The following CSF1R variants were observed in gnomAD, a reference collection of about 807,000 sequenced individuals.
CSF1R encodes the protein macrophage colony-stimulating factor 1 receptor.
Under a neutral mutation model 110.0 loss-of-function variants are expected in CSF1R, and 40 were observed. The ratio of observed to expected loss-of-function variants is 0.36; its 90% CI spans 0.28 to 0.47. The LOEUF (loss-of-function observed/expected upper bound fraction) is 0.47. CSF1R is among the 20% of genes least tolerant of loss of function. The pLI is 0.99. For missense variants in CSF1R, 1,052 were observed against 1,253.0 expected, an observed-to-expected ratio of 0.84 and a Z score of 2.42; for synonymous variants, 523 against 503.4, an observed-to-expected ratio of 1.04 and a Z score of -0.52.
chr5:150,109,525 C>G (rs1441914313), intron 1 of CSF1R, among the ~76,000 whole-genome samples: 1 of 152,218 alleles, frequency 6.6e-6, no homozygotes, highest in Non-Finnish European at 1.5e-5. Flanking sequence ...AATGTTTCAG[C>G]TTGGCGCATT....
chr5:150,108,816 T>TG (rs138678533), intron 1 of CSF1R, among the ~76,000 whole-genome samples: 1 of 151,222 alleles, frequency 6.6e-6, no homozygotes, highest in Admixed American at 6.6e-5. Context: ...CCTGAGCAGG[T>TG]GGGGGGTGGG....
rs777239066 is a variant in CSF1R, at chr5:150,080,952, C to G, written c.122G>C (p.Arg41Pro). 6.2e-7 allele frequency: 1 copy of G among 1,614,110 alleles called. No individual in the cohort carries two copies. ...TTCCACGCTGCCATTGCCCACACAT[C>G]GCAAGGTCACCGTTGCTCCTGGCTT... ...VVKPGATVTL[R>P]CVGNGSVEWD... Residue 41 changes from arginine (R) to proline (P), a missense_variant, in exon 2 of 21, where the codon CGA (arginine) becomes CCA (proline). This residue lies in a region of CSF1R where 693 missense variants were observed against 735.4 expected (regional missense o/e 0.94). Coordinates refer to ENST00000675795, the MANE Select transcript of CSF1R (RefSeq NM_001288705.3).
intron 2 of CSF1R, 80 bp downstream of exon 2, chr5:150,080,687 G>A (rs1758496451): frequency 6.4e-7 from 1 of 1,552,638 alleles, no homozygotes; most frequent in Non-Finnish European, 8.8e-7. Flanking sequence ...GAGCTGAATT[G>A]TTACGATTGT....
intron 1 of CSF1R, among the ~76,000 whole-genome samples, chr5:150,083,601 G>T (rs764318679): frequency 5.3e-5 from 8 of 151,724 alleles, no homozygotes; most frequent in Non-Finnish European, 1.0e-4. Flanking sequence ...CTTGGGACTG[G>T]ACCCTGGAAA....
At chr5:150,073,658 C>T (rs1460999268) in intron 5 of CSF1R, among the ~76,000 whole-genome samples, 165 bp from the exon 6 acceptor site, 1 of 152,196 alleles carries the variant, frequency 6.6e-6, no homozygotes, top group African/African-American at 2.4e-5. Flanking sequence ...TCTCACCACC[C>T]CCTTCAGAAT....
chr5:150,074,895 A>G (rs1294268902), intron 5 of CSF1R, among the ~76,000 whole-genome samples: 4 of 152,114 alleles, frequency 2.6e-5, no homozygotes, highest in African/African-American at 9.7e-5. Context: ...ATCCCTGAAC[A>G]CACCATAGTC....
At chr5:150,085,293 A>ACC (rs1561947697) in intron 1 of CSF1R, among the ~76,000 whole-genome samples, 3 of 145,746 alleles carry the variant, frequency 2.1e-5, no homozygotes, top group Non-Finnish European at 4.5e-5. Context: ...AAAAAAAAAA[A>ACC]CCCAAATACT....
intron 1 of CSF1R, among the ~76,000 whole-genome samples, chr5:150,081,374 C>T (rs1758536100): frequency 6.6e-6 from 1 of 152,174 alleles, no homozygotes; most frequent in African/African-American, 2.4e-5. Context: ...TCTTTTAACC[C>T]TGTGTACAAA....
At chr5:150,074,007 A>G (rs1043945711) in intron 5 of CSF1R, among the ~76,000 whole-genome samples, 1 of 152,194 alleles carries the variant, frequency 6.6e-6, no homozygotes, top group Non-Finnish European at 1.5e-5. Flanking sequence ...CCATGAGTCC[A>G]TAACACTCAA....
chr5:150,054,513 C>G (rs1350589038), intron 19 of CSF1R, 83 bp from the exon 20 acceptor site: 3 of 1,142,172 alleles, frequency 2.6e-6, no homozygotes, highest in Non-Finnish European at 3.7e-6. Flanking sequence ...GAGACCTACC[C>G]AGCAGAGGTC....
At position 150,068,207 on chromosome 5, in the gene CSF1R, C is replaced by T. The variant is rs760070403; in HGVS notation, c.1626+8G>A. ...GGCACCTGGCAGCCCCACTCCGCTC[C>T]GGCTCACCTGCTTATACTTGTACAA... On this transcript the variant is annotated splice_region_variant and intron_variant, in intron 10 of 20. Transcript: ENST00000675795. 38 of 1,605,808 alleles carry T rather than the reference C, an allele frequency of 2.4e-5. No homozygotes were observed. The highest frequency in any genetic ancestry group is 9.4e-5 in the African/African-American group (7 of 74,806).
At chr5:150,102,555 C>T (rs1217818520) in intron 1 of CSF1R, among the ~76,000 whole-genome samples, 1 of 152,200 alleles carries the variant, frequency 6.6e-6, no homozygotes, top group Non-Finnish European at 1.5e-5. Context: ...TCTTGGCTCA[C>T]TGCAACCTCT....
At chr5:150,087,861 G>A (rs1177059872), upstream of CSF1R, among the ~76,000 whole-genome samples, 1 of 151,842 alleles carries the variant, frequency 6.6e-6, no homozygotes, top group East Asian at 1.9e-4. Context: ...ATCCTCCTGA[G>A]TAGTTGGGAC....
chr5:150,074,624 A>G (rs1472272807), intron 5 of CSF1R, among the ~76,000 whole-genome samples: 1 of 152,162 alleles, frequency 6.6e-6, no homozygotes, highest in Non-Finnish European at 1.5e-5. Context: ...TTAAAACCTC[A>G]GGGCTCTGCC....
chr5:150,083,626 C>G (rs371123416), intron 1 of CSF1R, among the ~76,000 whole-genome samples: 2 of 152,084 alleles, frequency 1.3e-5, no homozygotes, highest in Non-Finnish European at 2.9e-5. Flanking sequence ...TCTGGCCCCC[C>G]TCCCACACAC....
At position 150,076,007 on chromosome 5, in the gene CSF1R, G is replaced by A. The variant is rs528005143; in HGVS notation, c.889+1269C>T. Reference sequence around the variant, plus strand: ...CCATAACATTCAACACATGAGGCACGGCCAGACCTAAATGTCTCAGAGCCT... The same window carrying A: ...CCATAACATTCAACACATGAGGCACAGCCAGACCTAAATGTCTCAGAGCCT... On this transcript the variant is annotated intron_variant, in intron 5 of 20. Coordinates refer to ENST00000675795, the MANE Select transcript of CSF1R (RefSeq NM_001288705.3). 4.6e-5 allele frequency among the ~76,000 whole-genome samples: 7 copies of A among 152,262 alleles called. No individual in the cohort carries two copies. In the South Asian group the frequency reaches 6.2e-4, roughly 14 times the overall value.
chr5:150,078,322 A>G, intron 3 of CSF1R, 74 bp from the exon 4 acceptor site: 2 of 1,560,018 alleles, frequency 1.3e-6, no homozygotes, highest in Non-Finnish European at 1.7e-6. Context: ...CCTCCCTGCC[A>G]TGGGCCAGGA....
intron 1 of CSF1R, chr5:150,094,341 G>T: frequency 6.3e-7 from 1 of 1,599,606 alleles, no homozygotes. Context: ...GGTTCCTGCT[G>T]TGCCAGAAAC....
intron 1 of CSF1R, chr5:150,094,436 A>G (rs1288820995): frequency 6.3e-7 from 1 of 1,597,764 alleles, no homozygotes; most frequent in Non-Finnish European, 8.5e-7. Context: ...TTCGAAAGGC[A>G]AGGAGGAAGC....
Sources: allele counts gnomAD v4.1 joint callset (sites outside exome capture counted in the v4.1 genomes callset), GRCh38; gene constraint gnomAD v4.1.1; regional missense constraint gnomAD v4.1.1; transcripts MANE v1.5; gene names NCBI Gene and HGNC (gene_info 2026-07-23, HGNC 2026-07-21).